Variants in NCOA4 observed in about 807,000 individuals in gnomAD.
The protein encoded by NCOA4 is 70 kDa AR-activator.
NCOA4 carries 31 observed loss-of-function variants against 69.5 expected under a neutral mutation model. The ratio of observed to expected loss-of-function variants is 0.45; its 90% confidence interval spans 0.34 to 0.60. NCOA4 has a LOEUF of 0.60. Ranked by LOEUF, NCOA4 falls within the 20% of genes least tolerant of loss-of-function variation. The pLI, the probability that NCOA4 is intolerant of heterozygous loss-of-function variation, is 0.02. For synonymous variants in NCOA4, 228 were observed against 252.4 expected (o/e 0.90, Z 0.92); for missense variants, 600 against 719.2 (o/e 0.83, Z 1.90).
chr10:46,024,246 G>A (rs1377408836), intron 1 of NCOA4, among the ~76,000 whole-genome samples: 1 of 152,168 alleles, frequency 6.6e-6, no homozygotes, highest in Non-Finnish European at 1.5e-5. Context: ...ACTTCTGAAT[G>A]ACTAAAGTTA....
rs185016804 is a variant in NCOA4 at position 46,014,491 on chromosome 10, T to C, written c.433A>G (p.Ile145Val). ...STVLLFEADT[I>V]TLRQTITTFG... ...GTGGTGATGGTCTGGCGCAGAGTAA[T>C]TGTGTCAGCTTCAAAGAGCAGGACA... The change falls in exon 5 of 10, where the codon ATT (isoleucine) becomes GTT (valine). Residue 145 changes from isoleucine to valine, a missense_variant. Transcript: ENST00000581486. 7.4e-6 allele frequency: 12 copies of C among 1,614,042 alleles called. No individual in the cohort carries two copies. The highest frequency in any genetic ancestry group is 3.3e-5 in the South Asian group (3 of 91,078).
At chr10:46,025,658 C>T in intron 1 of NCOA4, among the ~76,000 whole-genome samples, 1 of 152,328 alleles carries the variant, frequency 6.6e-6, no homozygotes, top group South Asian at 2.1e-4. Context: ...TACCTATCTG[C>T]TTTTCAAGTC....
chr10:46,014,382 T>A, intron 5 of NCOA4, 62 bp downstream of exon 5: 2 of 1,223,638 alleles, frequency 1.6e-6, no homozygotes, highest in South Asian at 2.6e-5. Flanking sequence ...CAATTTTTTT[T>A]AAGACCAGCT....
At chr10:46,008,952 T>C (rs1839018658) in intron 9 of NCOA4, among the ~76,000 whole-genome samples, 1 of 152,076 alleles carries the variant, frequency 6.6e-6, no homozygotes, top group East Asian at 1.9e-4. Context: ...AGTAATAAAA[T>C]ACTTTTTAAT....
chr10:46,012,465 A>G (rs1340534062), intron 7 of NCOA4, among the ~76,000 whole-genome samples: 1 of 152,176 alleles, frequency 6.6e-6, no homozygotes, highest in African/African-American at 2.4e-5. Context: ...CAGCCAATCA[A>G]TTATATACTA....
At chr10:46,025,157 C>T (rs1381788087) in intron 1 of NCOA4, among the ~76,000 whole-genome samples, 1 of 152,122 alleles carries the variant, frequency 6.6e-6, no homozygotes, top group Non-Finnish European at 1.5e-5. Flanking sequence ...CAGTCTGAAG[C>T]CAAAGGCCTG....
chr10:46,022,344 T>C (rs1839919524), intron 1 of NCOA4: 39 of 437,812 alleles, frequency 8.9e-5, no homozygotes, highest in South Asian at 6.6e-4. Context: ...CAACCTGCAT[T>C]AGACCGTCTG....
intron 1 of NCOA4, chr10:46,027,389 A>C: frequency 6.5e-7 from 1 of 1,535,546 alleles, no homozygotes; most frequent in Non-Finnish European, 8.8e-7. Context: ...ACAATATGGC[A>C]GCTCCTCTAA....
intron 1 of NCOA4, among the ~76,000 whole-genome samples, chr10:46,024,388 CA>C (rs1554925110): frequency 6.6e-6 from 1 of 152,130 alleles, no homozygotes; most frequent in Non-Finnish European, 1.5e-5. Context: ...AATGTAAATA[CA>C]AAGAAACTTT....
In NCOA4 at chr10:46,009,551, C is replaced by T; in HGVS notation, c.1699G>A (p.Glu567Lys). 1 of 1,599,602 alleles carries T rather than the reference C, an allele frequency of 6.3e-7. No homozygotes were observed. Among genetic ancestry groups the T allele is most frequent in the African/African-American group, 1.3e-5 (1 of 74,182 alleles). ...TGTAGAGGTGAATTAAGTAATACTT[C>T]CTGCAATAAAAGAAAAGAGTAGGTT... is the stretch of plus-strand genomic sequence containing the variant. ...DKWLLRKKAQ[E>K]VLLNSPLQEE... Residue 567 changes from glutamate to lysine, a missense_variant and splice_region_variant, in exon 9 of 10, where the codon GAA (glutamate) becomes AAA (lysine). Physicochemically the swap from Glu to Lys is moderately conservative, Grantham distance 56. Transcript: ENST00000581486.
At chr10:46,008,025 ATATTT>A (rs1250708866) in intron 9 of NCOA4, among the ~76,000 whole-genome samples, 1 of 152,194 alleles carries the variant, frequency 6.6e-6, no homozygotes, top group East Asian at 1.9e-4. Context: ...GGTTTACTGA[ATATTT>A]TAAGCCCTCT....
chr10:46,024,326 C>T (rs1411353105), intron 1 of NCOA4, among the ~76,000 whole-genome samples: 1 of 152,174 alleles, frequency 6.6e-6, no homozygotes, highest in African/African-American at 2.4e-5. Context: ...AAATATAACT[C>T]ATGTCAGGAA....
rs559367494 is a variant in NCOA4, at chr10:46,023,818, A to T, written c.-15+6708T>A. The stretch of plus-strand genomic sequence containing the variant: ...ATAGCCCTACCTACCTGTGACTATC[A>T]TGCTTATGGTACTTCTAGCTTTCCC... On this transcript the variant is annotated intron_variant, in intron 1 of 9. Transcript: ENST00000581486. 3.9e-5 allele frequency among the ~76,000 whole-genome samples: 6 copies of T among 152,352 alleles called. No homozygotes were observed. In the East Asian group the frequency reaches 1.2e-3, roughly 29 times the overall value.
intron 1 of NCOA4, among the ~76,000 whole-genome samples, chr10:46,018,365 A>G (rs1382310244): frequency 6.6e-6 from 1 of 152,204 alleles, no homozygotes; most frequent in Non-Finnish European, 1.5e-5. Flanking sequence ...GAAATTTTTA[A>G]CCGAAAGTAA....
chr10:46,013,057 G>A (rs1839330660), intron 6 of NCOA4, 31 bp from the exon 7 acceptor site: 1 of 1,608,538 alleles, frequency 6.2e-7, no homozygotes, highest in African/African-American at 1.3e-5. Flanking sequence ...AATGTCAAAT[G>A]CAGTAGAAAG....
rs1839419421 is a variant in NCOA4, at chr10:46,014,507, G to A, written c.417C>T (p.Leu139=). ...TLKPEDSTVL[L]FEADTITLRQ... ...GCAGAGTAATTGTGTCAGCTTCAAA[G>A]AGCAGGACAGTTGAATCTTCAGGCT... The change falls in exon 5 of 10, where the codon CTC becomes CTT. Residue 139 remains leucine (L), a synonymous_variant. Transcript: ENST00000581486. The A allele has an allele frequency of 6.2e-7, 1 of 1,614,036 alleles. No homozygotes were observed. Among genetic ancestry groups the A allele is most frequent in the Non-Finnish European group, 8.5e-7 (1 of 1,179,974 alleles).
chr10:46,012,825 G>A, intron 7 of NCOA4, 58 bp downstream of exon 7: 2 of 1,588,668 alleles, frequency 1.3e-6, no homozygotes, highest in Non-Finnish European at 1.7e-6. Flanking sequence ...CTACTGATTA[G>A]TAACTAACTC....
intron 1 of NCOA4, chr10:46,022,474 T>C (rs1480462983): frequency 6.4e-6 from 3 of 467,324 alleles, no homozygotes; most frequent in Non-Finnish European, 1.3e-5. Context: ...TTGGGTTTTT[T>C]TTTTGTTTTG....
intron 7 of NCOA4, among the ~76,000 whole-genome samples, chr10:46,012,443 G>A (rs1246984945): frequency 6.6e-5 from 10 of 151,714 alleles, no homozygotes; most frequent in African/African-American, 2.4e-4. Flanking sequence ...AGAAAAACTT[G>A]AATTTAAATT....
Sources: gnomAD v4.1 joint callset for allele counts (sites outside exome capture counted in the v4.1 genomes callset) on GRCh38, gnomAD v4.1.1 for gene constraint, MANE v1.5 for transcripts, NCBI Gene and HGNC (gene_info 2026-07-23, HGNC 2026-07-21) for gene names.